The following UBN1 variants were observed in gnomAD, a reference collection of about 807,000 sequenced individuals.
UBN1 encodes the protein ubinuclein-1.
UBN1 carries 17 observed loss-of-function variants against 108.5 expected under a neutral mutation model. The ratio of observed to expected loss-of-function variants is 0.16; its 90% CI spans 0.11 to 0.24. UBN1 has a LOEUF of 0.24. UBN1 is among the 10% of genes least tolerant of loss of function. The pLI is 1.00. For missense variants in UBN1, 1,595 were observed against 1,394.4 expected (o/e 1.14, Z -2.29); for synonymous variants, 726 against 564.2 (o/e 1.29, Z -4.07).
Position 4,880,594 on chromosome 16 carries a change from T to C in UBN1, c.*462T>C, listed in dbSNP as rs1384886261. 5 of 171,550 alleles carry C rather than the reference T, an allele frequency of 2.9e-5. No homozygotes were observed. The South Asian group carries it at 5.9e-4, about 20-fold the overall frequency. The allele number at this position is 171,550 out of a possible 1,614,324, so 10.6% of individuals were successfully genotyped here. ...ACAGTGCCGCCCCATCCCCAGGCTG[T>C]GTGCTCAAAGCGGACAAAACTCAGG... On this transcript the variant is annotated 3_prime_UTR_variant, in exon 18 of 18. Coordinates refer to ENST00000262376, the MANE Select transcript of UBN1 (RefSeq NM_001079514.3).
rs1567941934 is a variant in UBN1 at position 4,871,261 on chromosome 16, G to A, written c.1666G>A (p.Glu556Lys). 1 of 1,614,148 alleles carries A rather than the reference G, an allele frequency of 6.2e-7. No homozygotes were observed. The highest frequency in any genetic ancestry group is 1.3e-5 in the African/African-American group (1 of 74,960). Residue 556 changes from glutamate (E) to lysine (K), a missense_variant, in exon 12 of 18, where the codon GAA (glutamate) becomes AAA (lysine). Physicochemically the swap from Glu to Lys is moderately conservative, Grantham distance 56 (BLOSUM62 1). Coordinates refer to ENST00000262376, the MANE Select transcript of UBN1 (RefSeq NM_001079514.3). ...EDCVKGFLDA[E>K]VKPLWPKGWM... ...CTGTGTGAAGGGCTTTCTGGATGCGGAAGTCAAGCCCCTCTGGCCCAAAGG... is the reference window on the plus strand; with the variant it reads ...CTGTGTGAAGGGCTTTCTGGATGCGAAAGTCAAGCCCCTCTGGCCCAAAGG...
At chr16:4,853,272 C>T (rs2086639546) in intron 2 of UBN1, 106 bp downstream of exon 2, 2 of 1,460,602 alleles carry the variant, frequency 1.4e-6, no homozygotes, top group Non-Finnish European at 9.1e-7. Context: ...GAGGTTTTGG[C>T]TGCCCCAAGA....
chr16:4,868,852 G>C lies in UBN1; in HGVS notation c.1130G>C (p.Gly377Ala). The C allele has an allele frequency of 6.2e-7, 1 of 1,613,892 alleles. No individual in the cohort carries two copies. The highest frequency in any genetic ancestry group is 8.5e-7 in the Non-Finnish European group (1 of 1,179,848). ...ELAQAARAAE[G>A]ESRQKFFTQD... is the part of the protein sequence containing the mutation. ...CACCAGGCTGCCAGAGCTGCTGAGG[G>C]GGAGAGCAGACAGAAGTTCTTCACC... Residue 377 changes from glycine to alanine, a missense_variant, in exon 8 of 18, where the codon GGG becomes GCG. Transcript: ENST00000262376.
At chr16:4,865,337 C>T (rs1596499469) in intron 7 of UBN1, among the ~76,000 whole-genome samples, 3 of 152,106 alleles carry the variant, frequency 2.0e-5, no homozygotes, top group South Asian at 2.1e-4. Context: ...TTAAAGATTG[C>T]GTAAAGATTA....
rs773010840 is a variant in UBN1 at position 4,874,835 on chromosome 16, G to A, written c.2425G>A (p.Ala809Thr). Residue 809 changes from alanine to threonine, a missense_variant, in exon 15 of 18, where the codon GCC becomes ACC. Around this residue, in one of 3 missense-constraint regions of UBN1, gnomAD observed 1,398 missense variants for 1,194.7 expected, o/e 1.17. Coordinates refer to ENST00000262376, the MANE Select transcript of UBN1 (RefSeq NM_001079514.3). The part of the protein sequence containing the change: ...VPGPQVKVFH[A>T]GTQQQKNFTP... The stretch of plus-strand genomic sequence containing the variant: ...TGGCCCCCAGGTCAAAGTCTTTCAT[G>A]CCGGCACTCAGCAGCAGAAAAACTT... 7.4e-6 allele frequency: 12 copies of A among 1,613,912 alleles called. No individual in the cohort carries two copies. The South Asian group carries it at 9.9e-5, about 13-fold the overall frequency.
Position 4,860,904 on chromosome 16 carries a change from G to A in UBN1, c.912G>A (p.Ala304=), listed in dbSNP as rs201019170. Residue 304 remains alanine (A), a synonymous_variant, in exon 7 of 18, where the codon GCG becomes GCA. Transcript: ENST00000262376. The part of the protein sequence containing the change: ...GSTSDNDLLQ[A]ATAMDSLTDL... ...CTTCTGACAACGACTTGCTCCAGGC[G>A]GCCACTGCCATGGACTCGCTGACGG... 1.9e-6 allele frequency: 3 copies of A among 1,614,226 alleles called. No individual in the cohort carries two copies. Among genetic ancestry groups the A allele is most frequent in the Non-Finnish European group, 2.5e-6 (3 of 1,180,044 alleles).
intron 2 of UBN1, among the ~76,000 whole-genome samples, chr16:4,856,658 G>C (rs535654686): frequency 3.3e-5 from 5 of 151,132 alleles, no homozygotes; most frequent in African/African-American, 9.9e-5. Context: ...CATACAGTCA[G>C]GAAATGGTAG....
At chr16:4,872,057 C>T (rs1400970641) in intron 12 of UBN1, 4 of 400,514 alleles carry the variant, frequency 1.0e-5, no homozygotes, top group African/African-American at 8.7e-5. Flanking sequence ...AAGTCACTTC[C>T]TGCGAATGAA....
chr16:4,865,531 C>T (rs1431701229), intron 7 of UBN1, among the ~76,000 whole-genome samples: 2 of 151,868 alleles, frequency 1.3e-5, no homozygotes, highest in African/African-American at 4.8e-5. Flanking sequence ...ATTAGTCAGG[C>T]GTGGTTGCGT....
In UBN1 at chr16:4,877,891, G is replaced by C. The variant is rs1307741104; in HGVS notation, c.3355+417G>C. Reference sequence around the variant, plus strand: ...TGGAATGCAAGCTGCTCCACTGTCAGATGTGATTGCTTAACAGAAGGCTCT... The same window carrying C: ...TGGAATGCAAGCTGCTCCACTGTCACATGTGATTGCTTAACAGAAGGCTCT... On this transcript the variant is annotated intron_variant, in intron 17 of 17. Coordinates refer to ENST00000262376, the MANE Select transcript of UBN1 (RefSeq NM_001079514.3). The surrounding 1 kb of genome is among the most constrained non-coding windows in gnomAD (Gnocchi z 4.3). The C allele has an allele frequency of 8.5e-6, 8 of 940,004 alleles. No homozygotes were observed. Among genetic ancestry groups the C allele is most frequent in the African/African-American group, 1.8e-5 (1 of 56,480 alleles). 58.2% of individuals were successfully genotyped at this position (940,004 alleles called of 1,614,324 possible). A position where few individuals can be genotyped will look rare whatever the true frequency, so the allele number is the denominator to read the frequency against.
intron 17 of UBN1, among the ~76,000 whole-genome samples, chr16:4,878,408 G>C (rs944349462): frequency 1.3e-5 from 2 of 152,140 alleles, no homozygotes; most frequent in African/African-American, 2.4e-5. Context: ...CCTCTGTGCT[G>C]CACGTCTCCC....
intron 1 of UBN1, among the ~76,000 whole-genome samples, chr16:4,849,394 G>T (rs765145628): frequency 1.3e-5 from 2 of 151,848 alleles, no homozygotes; most frequent in South Asian, 2.1e-4. Context: ...TTCAGGAAGG[G>T]TACTCATTAT....
intron 1 of UBN1, among the ~76,000 whole-genome samples, chr16:4,851,235 C>T (rs1435355458): frequency 2.6e-5 from 4 of 152,176 alleles, no homozygotes; most frequent in African/African-American, 9.7e-5. Flanking sequence ...GGCTCAGTGG[C>T]TCACACCTGT....
Position 4,876,856 on chromosome 16 carries a change from G to A in UBN1, c.3025-15G>A, listed in dbSNP as rs2087910032. 6.4e-7 allele frequency: 1 copy of A among 1,567,670 alleles called. No homozygotes were observed. The highest frequency in any genetic ancestry group is 8.6e-7 in the Non-Finnish European group (1 of 1,156,638). ...AGGACTGGAGTTCTTACCGCTTGCT[G>A]TGTTTCTTCCCTAGAAAGGAGCGAG... On this transcript the variant is annotated splice_polypyrimidine_tract_variant and intron_variant, in intron 15 of 17. Coordinates refer to ENST00000262376, the MANE Select transcript of UBN1 (RefSeq NM_001079514.3).
intron 1 of UBN1, 74 bp from the exon 2 acceptor site, chr16:4,852,805 A>G (rs960168714): frequency 7.4e-7 from 1 of 1,357,164 alleles, no homozygotes; most frequent in East Asian, 2.3e-5. Flanking sequence ...TCTTAAACTT[A>G]AATCTCTTTA....
chr16:4,860,418 G>A (rs1407309274), intron 6 of UBN1, among the ~76,000 whole-genome samples: 2 of 152,192 alleles, frequency 1.3e-5, no homozygotes, highest in Non-Finnish European at 2.9e-5. Flanking sequence ...CAGCCTGGCA[G>A]TGGTTTCTAA....
At position 4,857,981 on chromosome 16, in the gene UBN1, T is replaced by C. The variant is rs770015850; in HGVS notation, c.250-9T>C. On this transcript the variant is annotated splice_polypyrimidine_tract_variant and intron_variant, in intron 2 of 17. Transcript: ENST00000262376. ...CTGACTTATTTTTTGTGGAACGATC[T>C]CTTTACAGAAGAAAGATCTGTCAGA... The C allele has an allele frequency of 3.1e-6, 5 of 1,601,260 alleles. No homozygotes were observed. In the Admixed American group the frequency reaches 8.7e-5, roughly 28 times the overall value.
At chr16:4,867,174 C>T (rs1451646354) in intron 7 of UBN1, among the ~76,000 whole-genome samples, 3 of 152,064 alleles carry the variant, frequency 2.0e-5, no homozygotes, top group African/African-American at 7.2e-5. Flanking sequence ...AAGGGAGTGG[C>T]GGTCTTAAGG....
In UBN1 at chr16:4,874,126, G is replaced by A. The variant is rs1001970653; in HGVS notation, c.1801-85G>A. ...CAGGAAGGCCCAGTTTTTTTGACTC[G>A]AGTTCACATGTTTGTATCCTCACAA... On this transcript the variant is annotated intron_variant, in intron 14 of 17. Transcript: ENST00000262376. The A allele has an allele frequency of 4.1e-6, 6 of 1,466,628 alleles. No individual in the cohort carries two copies. The African/African-American group carries it at 4.2e-5, about 10-fold the overall frequency. The allele number at this position is 1,466,628 out of a possible 1,614,324, so 90.9% of individuals were successfully genotyped here.
Sources: gnomAD v4.1 joint callset for allele counts (sites outside exome capture counted in the v4.1 genomes callset) on GRCh38, gnomAD v4.1.1 for gene constraint, gnomAD v4.1.1 regional missense constraint, Gnocchi (gnomAD v3.1) non-coding constraint, MANE v1.5 for transcripts, NCBI Gene and HGNC (gene_info 2026-07-23, HGNC 2026-07-21) for gene names.